Variants in THADA observed in about 807,000 individuals in gnomAD.
The protein encoded by THADA is tRNA (32-2'-O)-methyltransferase regulator THADA.
THADA carries 213 observed loss-of-function variants against 219.8 expected under a neutral mutation model. The observed-to-expected ratio is 0.97, with a 90% CI of 0.87 to 1.09. The LOEUF (loss-of-function observed/expected upper bound fraction) is 1.09, where lower values mean the gene tolerates loss of function less well. Ranked by LOEUF, THADA falls within the 50% of genes least tolerant of loss-of-function variation. The probability of loss-of-function intolerance (pLI) is 0.00; values close to 1 mark genes in which losing one functional copy is unlikely to be tolerated. For missense variants in THADA, 2,956 were observed against 2,311.3 expected, an observed-to-expected ratio of 1.28 and a Z score of -5.72; for synonymous variants, 1,018 against 828.9, an observed-to-expected ratio of 1.23 and a Z score of -3.92.
chr2:43,539,464 T>C (rs1695027147), intron 21 of THADA, among the ~76,000 whole-genome samples: 1 of 152,230 alleles, frequency 6.6e-6, no homozygotes, highest in South Asian at 2.1e-4. Flanking sequence ...TAAATAACAC[T>C]AATTTCTTGA....
In THADA at chr2:43,527,920, C is replaced by T. The variant is rs1693365753; in HGVS notation, c.3333G>A (p.Leu1111=). 6.2e-7 allele frequency: 1 copy of T among 1,613,394 alleles called. No individual in the cohort carries two copies. Among genetic ancestry groups the T allele is most frequent in the Admixed American group, 1.7e-5 (1 of 59,962 alleles). ...LQSRHRGAFE[L]AYTGFVKLTE... The stretch of plus-strand genomic sequence containing the variant: ...TGAGTTTCACAAAACCAGTATAAGC[C>T]AATTCAAATGCTCCTCTGTGCCTGG... Residue 1111 remains leucine, a synonymous_variant, in exon 22 of 38, where the codon TTG becomes TTA. Transcript: ENST00000405975.
intron 36 of THADA, among the ~76,000 whole-genome samples, chr2:43,244,662 C>T (rs1183397277): frequency 1.3e-5 from 2 of 152,230 alleles, no homozygotes; most frequent in African/African-American, 2.4e-5. Flanking sequence ...CTGCATTTGG[C>T]ATTCTTGCAT....
intron 24 of THADA, among the ~76,000 whole-genome samples, chr2:43,500,558 G>C (rs1688825814): frequency 6.6e-6 from 1 of 152,058 alleles, no homozygotes. Context: ...GCATTTTCTA[G>C]AAGAAAACAT....
chr2:43,303,645 A>G (rs1676510348), intron 31 of THADA, among the ~76,000 whole-genome samples: 1 of 151,214 alleles, frequency 6.6e-6, no homozygotes, highest in African/African-American at 2.4e-5. Flanking sequence ...TGAAAAAAAA[A>G]TGGTAATATC....
At chr2:43,240,672 A>G (rs780478356) in intron 36 of THADA, among the ~76,000 whole-genome samples, 5 of 152,124 alleles carry the variant, frequency 3.3e-5, no homozygotes, top group African/African-American at 4.8e-5. Flanking sequence ...ACCACCAATT[A>G]AAAGCTCCCA....
chr2:43,487,018 T>C (rs532236783), intron 25 of THADA, among the ~76,000 whole-genome samples: 5 of 152,156 alleles, frequency 3.3e-5, no homozygotes, highest in East Asian at 3.9e-4. Context: ...AAAAATGCAA[T>C]AAAACCCTAA....
At chr2:43,452,619 T>A (rs949900642) in intron 26 of THADA, among the ~76,000 whole-genome samples, 8 of 152,138 alleles carry the variant, frequency 5.3e-5, no homozygotes, top group Non-Finnish European at 8.8e-5. Context: ...CATGGTTTGG[T>A]TGTATGGCAG....
chr2:43,505,552 T>C, intron 24 of THADA, 70 bp downstream of exon 24: 1 of 1,190,842 alleles, frequency 8.4e-7, no homozygotes, highest in South Asian at 1.4e-5. Flanking sequence ...GTAACAGCCG[T>C]CTTGAAAAAA....
At chr2:43,462,221 C>G (rs1190428098) in intron 26 of THADA, among the ~76,000 whole-genome samples, 1 of 152,128 alleles carries the variant, frequency 6.6e-6, no homozygotes, top group African/African-American at 2.4e-5. Flanking sequence ...TAATAAAACA[C>G]CTGCTTTCCA....
intron 29 of THADA, among the ~76,000 whole-genome samples, chr2:43,375,559 C>T (rs1444178168): frequency 6.6e-6 from 1 of 152,210 alleles, no homozygotes; most frequent in African/African-American, 2.4e-5. Context: ...ATGCACCTTA[C>T]ACAAAATTCT....
intron 2 of THADA, 44 bp from the exon 3 acceptor site, chr2:43,592,090 G>T: frequency 6.9e-7 from 1 of 1,444,292 alleles, no homozygotes. Context: ...ATTTAACAGT[G>T]AGTTAACTTT....
intron 26 of THADA, among the ~76,000 whole-genome samples, chr2:43,475,883 G>C (rs978185607): frequency 7.9e-5 from 12 of 152,286 alleles, no homozygotes; most frequent in African/African-American, 2.9e-4. Context: ...TACATACATA[G>C]TCTTAAGTCA....
chr2:43,399,563 G>A lies in THADA; in HGVS notation c.4059-1424C>T, dbSNP rs570499801. ...GGAAGAGGAAAAAGAAGTATGGGGTGTTTAAAAAAAATGTGTCTTTTTCCC... is the reference window on the plus strand; with the variant it reads ...GGAAGAGGAAAAAGAAGTATGGGGTATTTAAAAAAAATGTGTCTTTTTCCC... On this transcript the variant is annotated intron_variant, in intron 28 of 37. Coordinates refer to ENST00000405975, the MANE Select transcript of THADA (RefSeq NM_022065.5). Among the ~76,000 whole-genome samples, 36 of 152,192 alleles carry A rather than the reference G, an allele frequency of 2.4e-4. No homozygotes were observed. The South Asian group carries it at 7.2e-3, about 31-fold the overall frequency.
chr2:43,297,581 C>T (rs1407203566), intron 31 of THADA, among the ~76,000 whole-genome samples: 12 of 98,442 alleles, frequency 1.2e-4, no homozygotes, highest in Admixed American at 1.8e-4. Context: ...CCAGCCGTGC[C>T]GTCCGGGAGG....
In THADA at chr2:43,541,140, G is replaced by A; in HGVS notation, c.3264+19C>T. On this transcript the variant is annotated intron_variant, in intron 21 of 37. Transcript: ENST00000405975. ...CGTTGACCAGAAATTATACATGGTG[G>A]AATAAACATGTGCCTTACCTGCTCC... is the stretch of plus-strand genomic sequence containing the variant. 6.6e-7 allele frequency: 1 copy of A among 1,507,062 alleles called. No homozygotes were observed. The highest frequency in any genetic ancestry group is 8.8e-7 in the Non-Finnish European group (1 of 1,132,698). 93.4% of individuals were successfully genotyped at this position (1,507,062 alleles called of 1,614,324 possible).
At chr2:43,434,706 T>C (rs1679842847) in intron 26 of THADA, among the ~76,000 whole-genome samples, 1 of 152,188 alleles carries the variant, frequency 6.6e-6, no homozygotes, top group Non-Finnish European at 1.5e-5. Context: ...GGTTCCCCCA[T>C]CTGCTGAGAG....
intron 36 of THADA, among the ~76,000 whole-genome samples, chr2:43,253,375 C>A (rs1670003147): frequency 6.6e-6 from 1 of 152,120 alleles, no homozygotes; most frequent in Admixed American, 6.6e-5. Flanking sequence ...GTGGTCAACA[C>A]TTGGGCCCTT....
At position 43,579,911 on chromosome 2, in the gene THADA, G is replaced by A. The variant is rs79439547; in HGVS notation, c.722-1304C>T. Among the ~76,000 whole-genome samples, 742 of 152,086 alleles carry A rather than the reference G, an allele frequency of 4.9e-3. 3 individuals are homozygous for A. The highest frequency in any genetic ancestry group is 8.1e-3 in the Non-Finnish European group (553 of 68,002). On this transcript the variant is annotated intron_variant, in intron 8 of 37. Transcript: ENST00000405975. ...CTGAACTTGTTATGTGGGAAAGGAG[G>A]TTTGGTTTTCAGTTACTTGCAGCTA...
chr2:43,345,067 G>A (rs1052568010), intron 29 of THADA, among the ~76,000 whole-genome samples: 1 of 152,370 alleles, frequency 6.6e-6, no homozygotes, highest in Non-Finnish European at 1.5e-5. Flanking sequence ...AGAGGTGGGT[G>A]TGGCAAAGTA....
Sources: allele counts gnomAD v4.1 joint callset (sites outside exome capture counted in the v4.1 genomes callset), GRCh38; gene constraint gnomAD v4.1.1; transcripts MANE v1.5; gene names NCBI Gene and HGNC (gene_info 2026-07-23, HGNC 2026-07-21).